The following NFIB variants were observed in gnomAD, a reference collection of about 807,000 sequenced individuals.
NFIB encodes nuclear factor I B.
Under a neutral mutation model 61.5 loss-of-function variants are expected in NFIB, and 11 were observed. That is an observed-to-expected ratio of 0.18 (90% CI 0.11 to 0.30). The LOEUF (loss-of-function observed/expected upper bound fraction) is 0.30, where lower values mean the gene tolerates loss of function less well. Among genes scored for constraint, NFIB ranks in the 10% least tolerant of loss-of-function variants. The pLI, the probability that NFIB is intolerant of heterozygous loss-of-function variation, is 1.00. For missense variants in NFIB, 471 were observed against 608.9 expected, an observed-to-expected ratio of 0.77 and a Z score of 2.38; for synonymous variants, 260 against 216.5, an observed-to-expected ratio of 1.20 and a Z score of -1.76.
chr9:14,501,230 T>C, the NFIB span, among the ~76,000 whole-genome samples: 3 of 152,184 alleles, frequency 2.0e-5, no homozygotes, highest in Non-Finnish European at 2.9e-5. Flanking sequence ...GAATCTGCCC[T>C]CTCTTTCCGC....
chr9:14,345,696 G>T (rs930838961), intron 1 of NFIB, among the ~76,000 whole-genome samples: 2 of 152,156 alleles, frequency 1.3e-5, no homozygotes, highest in Non-Finnish European at 2.9e-5. Flanking sequence ...CATCTCCGTG[G>T]AGTTTGGTAC....
intron 3 of NFIB, among the ~76,000 whole-genome samples, chr9:14,175,167 C>CTTTTTTTTTTTTTTTTT (rs55765054): frequency 7.9e-6 from 1 of 126,050 alleles, no homozygotes; most frequent in African/African-American, 3.3e-5. Flanking sequence ...TAAAGAATTT[C>CTTTTTTTTTTTTTTTTT]TTTTTTTTTT....
chr9:14,213,980 C>G (rs1017954622), intron 2 of NFIB, among the ~76,000 whole-genome samples: 9 of 152,164 alleles, frequency 5.9e-5, no homozygotes, highest in Non-Finnish European at 1.3e-4. Flanking sequence ...TTTCACCTCA[C>G]ATCATTTTAC....
In NFIB at chr9:14,226,451, G is replaced by C. The variant is rs116702614; in HGVS notation, c.563-46671C>G. Among the ~76,000 whole-genome samples, 159 of 151,626 alleles carry C rather than the reference G, an allele frequency of 1.0e-3. 1 individual carries two copies. The highest frequency in any genetic ancestry group is 3.6e-3 in the African/African-American group (148 of 41,318). ...TAGTCCCAGTTACTCAGGAGGCTCAGATGACAGGATCTCTTGAACGCATGC... is the reference window on the plus strand; with the variant it reads ...TAGTCCCAGTTACTCAGGAGGCTCACATGACAGGATCTCTTGAACGCATGC... On this transcript the variant is annotated intron_variant, in intron 2 of 10. Coordinates refer to ENST00000380953, the MANE Select transcript of NFIB (RefSeq NM_001190737.2).
At chr9:14,200,808 A>C (rs1197137726) in intron 2 of NFIB, among the ~76,000 whole-genome samples, 1 of 152,138 alleles carries the variant, frequency 6.6e-6, no homozygotes, top group Non-Finnish European at 1.5e-5. Flanking sequence ...GTCCATGTTT[A>C]CAAATACTAC....
chr9:14,305,232 C>T (rs1387513127), intron 2 of NFIB, among the ~76,000 whole-genome samples: 3 of 152,108 alleles, frequency 2.0e-5, no homozygotes, highest in Admixed American at 1.3e-4. Context: ...AATGTGCATG[C>T]AGGCAGGCAC....
At chr9:14,337,287 T>G (rs2060896212) in intron 1 of NFIB, among the ~76,000 whole-genome samples, 1 of 152,222 alleles carries the variant, frequency 6.6e-6, no homozygotes, top group African/African-American at 2.4e-5. Flanking sequence ...ATTGTATTAT[T>G]TATATACAAC....
At chr9:14,359,599 A>T (rs1056872929) in intron 1 of NFIB, among the ~76,000 whole-genome samples, 1 of 152,204 alleles carries the variant, frequency 6.6e-6, no homozygotes, top group Admixed American at 6.5e-5. Flanking sequence ...TTTTGTTTTA[A>T]GCCACCAGTT....
At chr9:14,101,438 T>C (rs1242603346) in intron 10 of NFIB, among the ~76,000 whole-genome samples, 1 of 152,230 alleles carries the variant, frequency 6.6e-6, no homozygotes, top group Non-Finnish European at 1.5e-5. Context: ...CAGCAGTTTC[T>C]GTGAACCAAT....
At chr9:14,296,355 A>T (rs1489108962) in intron 2 of NFIB, among the ~76,000 whole-genome samples, 1 of 152,278 alleles carries the variant, frequency 6.6e-6, no homozygotes, top group African/African-American at 2.4e-5. Flanking sequence ...AGCTGAAGTG[A>T]CTTGACCAAG....
intron 1 of NFIB, among the ~76,000 whole-genome samples, chr9:14,364,295 T>C (rs1409975259): frequency 2.0e-5 from 3 of 152,152 alleles, no homozygotes; most frequent in Admixed American, 2.0e-4. Flanking sequence ...TTTGGCTTTG[T>C]GAAGTTTGTT....
Position 14,313,124 on chromosome 9 carries a change from C to G in NFIB, c.30+358G>C, listed in dbSNP as rs959767074. 6.6e-6 allele frequency among the ~76,000 whole-genome samples: 1 copy of G among 152,222 alleles called. No homozygotes were observed. The highest frequency in any genetic ancestry group is 2.4e-5 in the African/African-American group (1 of 41,468). ...GCCCGAGTCCACCTCAACGCGCGAG[C>G]TGCTGAGAGGGGCTACGGGCACCCC... On this transcript the variant is annotated intron_variant, in intron 1 of 10. Transcript: ENST00000380953. The surrounding 1 kb of genome is among the most constrained non-coding windows in gnomAD (Gnocchi z 4.5).
At chr9:14,420,518 A>G in the NFIB span, among the ~76,000 whole-genome samples, 20 of 149,866 alleles carry the variant, frequency 1.3e-4, no homozygotes, top group African/African-American at 4.6e-4. Flanking sequence ...CTCCACACCA[A>G]CCCCCCAAAT....
At chr9:14,494,674 C>T in the NFIB span, among the ~76,000 whole-genome samples, 1 of 152,182 alleles carries the variant, frequency 6.6e-6, no homozygotes, top group Non-Finnish European at 1.5e-5. Flanking sequence ...CTCAGCATGC[C>T]CACTCCTTCC....
Position 14,307,664 on chromosome 9 carries a change from A to G in NFIB, c.31-144T>C. 2.4e-6 allele frequency: 2 copies of G among 845,676 alleles called. No homozygotes were observed. Among genetic ancestry groups the G allele is most frequent in the Non-Finnish European group, 3.4e-6 (2 of 581,584 alleles). 52.4% of individuals were successfully genotyped at this position (845,676 alleles called of 1,614,324 possible). On this transcript the variant is annotated intron_variant, in intron 1 of 10. Coordinates refer to ENST00000380953, the MANE Select transcript of NFIB (RefSeq NM_001190737.2). The surrounding 1 kb of genome is among the most constrained non-coding windows in gnomAD (Gnocchi z 5.3). ...AAAATAACATTCCTTTCTTATTTAAAATTATCAAAATAACAGGACAAGAAG... is the reference window on the plus strand; with the variant it reads ...AAAATAACATTCCTTTCTTATTTAAGATTATCAAAATAACAGGACAAGAAG...
At chr9:14,132,951 T>C (rs949340265) in intron 6 of NFIB, among the ~76,000 whole-genome samples, 4 of 152,146 alleles carry the variant, frequency 2.6e-5, no homozygotes, top group African/African-American at 7.2e-5. Flanking sequence ...ATGAAAACAG[T>C]TGCAAAACTT....
intron 1 of NFIB, among the ~76,000 whole-genome samples, chr9:14,343,828 G>A (rs1420298134): frequency 1.5e-5 from 2 of 132,622 alleles, no homozygotes; most frequent in South Asian, 2.2e-4. Context: ...GGGACAAGGG[G>A]GGGTCGGGGG....
At chr9:14,353,414 A>G (rs1230266061) in intron 1 of NFIB, among the ~76,000 whole-genome samples, 2 of 152,152 alleles carry the variant, frequency 1.3e-5, no homozygotes, top group Admixed American at 6.5e-5. Context: ...GACCACTGCT[A>G]GGGTGTCCTT....
intron 2 of NFIB, among the ~76,000 whole-genome samples, chr9:14,262,985 G>A (rs1389116395): frequency 1.3e-5 from 2 of 152,078 alleles, no homozygotes; most frequent in Non-Finnish European, 2.9e-5. Context: ...ACTGTTTCTA[G>A]GTCAGGAGTC....
Sources: gnomAD v4.1 joint callset for allele counts (sites outside exome capture counted in the v4.1 genomes callset) on GRCh38, gnomAD v4.1.1 for gene constraint, Gnocchi (gnomAD v3.1) non-coding constraint, MANE v1.5 for transcripts, NCBI Gene and HGNC (gene_info 2026-07-23, HGNC 2026-07-21) for gene names.